The following RPTOR variants were observed in gnomAD, a reference collection of about 807,000 sequenced individuals.
RPTOR encodes regulatory associated protein of MTOR complex 1.
RPTOR carries 21 observed loss-of-function variants against 169.9 expected under a neutral mutation model. That is an observed-to-expected ratio of 0.12 (90% CI 0.09 to 0.18). RPTOR has a LOEUF of 0.18. Ranked by LOEUF, RPTOR falls within the 10% of genes least tolerant of loss-of-function variation. The probability of loss-of-function intolerance (pLI) is 1.00; values close to 1 mark genes in which losing one functional copy is unlikely to be tolerated. For synonymous variants in RPTOR, 732 were observed against 753.2 expected, an observed-to-expected ratio of 0.97 and a Z score of 0.46; for missense variants, 1,133 against 1,855.9, an observed-to-expected ratio of 0.61 and a Z score of 7.16.
intron 3 of RPTOR, among the ~76,000 whole-genome samples, chr17:80,684,908 C>T (rs916281138): frequency 5.3e-5 from 8 of 152,162 alleles, no homozygotes; most frequent in Non-Finnish European, 4.4e-5. Flanking sequence ...CACTTCATTA[C>T]GTGAGTCAAC....
At chr17:80,773,809 T>C in intron 6 of RPTOR, 1 of 985,388 alleles carries the variant, frequency 1.0e-6, no homozygotes, top group South Asian at 4.7e-5. Context: ...AAACTGTTCT[T>C]TCTGGAAGAG....
intron 7 of RPTOR, among the ~76,000 whole-genome samples, chr17:80,795,575 T>C (rs1010066998): frequency 6.6e-6 from 1 of 151,844 alleles, no homozygotes; most frequent in Non-Finnish European, 1.5e-5. Context: ...TTTTTTTTTT[T>C]AATTTAAAAG....
intron 17 of RPTOR, among the ~76,000 whole-genome samples, chr17:80,888,977 G>A (rs1158268370): frequency 5.9e-5 from 9 of 152,260 alleles, no homozygotes; most frequent in Non-Finnish European, 1.5e-5. Flanking sequence ...AAGAGGCCAG[G>A]AGGGCAGTGG....
intron 3 of RPTOR, among the ~76,000 whole-genome samples, chr17:80,677,802 C>T (rs1297801092): frequency 5.3e-5 from 8 of 152,102 alleles, no homozygotes; most frequent in Non-Finnish European, 1.2e-4. Context: ...CTCCTTTATT[C>T]TTTCACAGGA....
At position 80,726,164 on chromosome 17, in the gene RPTOR, G is replaced by A. The variant is rs1267581388; in HGVS notation, c.508-4396G>A. On this transcript the variant is annotated intron_variant, in intron 4 of 33. Transcript: ENST00000306801. This position sits in a 1 kb window ranked among gnomAD's most constrained non-coding sequence, Gnocchi z 4.5. ...CAGGCTTCCCAGAGCAGGCGGGGCT[G>A]GGAAAGCTGTTCTGTGGCGCAGCAT... Among the ~76,000 whole-genome samples, 1 of 152,184 alleles carries A rather than the reference G, an allele frequency of 6.6e-6. No homozygotes were observed. The highest frequency in any genetic ancestry group is 1.5e-5 in the Non-Finnish European group (1 of 68,032).
chr17:80,806,806 C>CT (rs1000140061), intron 7 of RPTOR, among the ~76,000 whole-genome samples: 32 of 151,928 alleles, frequency 2.1e-4, no homozygotes, highest in Non-Finnish European at 1.5e-4. Flanking sequence ...TTGATTTTTT[C>CT]TTTTTTTTAA....
At chr17:80,617,140 C>T (rs2065318024) in intron 1 of RPTOR, among the ~76,000 whole-genome samples, 3 of 152,096 alleles carry the variant, frequency 2.0e-5, no homozygotes, top group Non-Finnish European at 4.4e-5. Flanking sequence ...ACAGAAGGGC[C>T]AGGTACAAAG....
At chr17:80,645,845 C>T (rs1167990356) in intron 3 of RPTOR, among the ~76,000 whole-genome samples, 2 of 152,194 alleles carry the variant, frequency 1.3e-5, no homozygotes, top group Non-Finnish European at 2.9e-5. Flanking sequence ...ATGACAGTGG[C>T]ACAGTTGTAT....
intron 5 of RPTOR, among the ~76,000 whole-genome samples, chr17:80,751,167 T>C (rs1296365706): frequency 6.6e-6 from 1 of 152,102 alleles, no homozygotes; most frequent in African/African-American, 2.4e-5. Flanking sequence ...TGGCTGTGAG[T>C]GAATACAGCT....
rs1271399523 is a variant in RPTOR at position 80,845,621 on chromosome 17, C to T, written c.1213-852C>T. ...GAGGATGCCCTCCAGCAGCCTTTCCCCACCCTCCGTGCCCCCAGCTGGGTC... is the reference window on the plus strand; with the variant it reads ...GAGGATGCCCTCCAGCAGCCTTTCCTCACCCTCCGTGCCCCCAGCTGGGTC... On this transcript the variant is annotated intron_variant, in intron 10 of 33. Transcript: ENST00000306801. The surrounding 1 kb of genome is among the most constrained non-coding windows in gnomAD (Gnocchi z 5.4). 6.6e-6 allele frequency among the ~76,000 whole-genome samples: 1 copy of T among 152,054 alleles called. No homozygotes were observed. The highest frequency in any genetic ancestry group is 1.5e-5 in the Non-Finnish European group (1 of 68,006).
chr17:80,684,077 T>G (rs2065917558), intron 3 of RPTOR, among the ~76,000 whole-genome samples: 1 of 152,220 alleles, frequency 6.6e-6, no homozygotes, highest in African/African-American at 2.4e-5. Flanking sequence ...CCCAGTTATT[T>G]TCTGCCTGTG....
intron 11 of RPTOR, among the ~76,000 whole-genome samples, chr17:80,847,832 C>T (rs552867109): frequency 6.6e-6 from 1 of 152,350 alleles, no homozygotes; most frequent in East Asian, 1.9e-4. Flanking sequence ...CCGCTCACCA[C>T]ACTGACAGAC....
intron 6 of RPTOR, among the ~76,000 whole-genome samples, chr17:80,765,826 G>A (rs1008153675): frequency 1.3e-5 from 2 of 152,096 alleles, no homozygotes; most frequent in East Asian, 1.9e-4. Context: ...CTTACTTAAC[G>A]TGGTAAAGGC....
In RPTOR at chr17:80,962,559, A is replaced by T; in HGVS notation, c.3791A>T (p.Gln1264Leu). ...KGLTALDIHPQADLIACGSVN... is the reference protein window; with the variant it reads ...KGLTALDIHPLADLIACGSVN... ...CTGACGGCCCTGGACATCCACCCCC[A>T]GGCGGACCTGATCGCATGGTAGGCG... is the stretch of plus-strand genomic sequence containing the variant. The change falls in exon 32 of 34, where the codon CAG becomes CTG. Residue 1264 changes from glutamine to leucine, a missense_variant. Physicochemically the swap from Gln to Leu is moderately radical, Grantham distance 113. Around this residue, in one of 9 missense-constraint regions of RPTOR, gnomAD observed 410 missense variants for 623.7 expected, o/e 0.66. Coordinates refer to ENST00000306801, the MANE Select transcript of RPTOR (RefSeq NM_020761.3). The T allele has an allele frequency of 6.2e-7, 1 of 1,613,568 alleles. No individual in the cohort carries two copies. The highest frequency in any genetic ancestry group is 8.5e-7 in the Non-Finnish European group (1 of 1,179,826).
intron 3 of RPTOR, among the ~76,000 whole-genome samples, chr17:80,684,739 C>T (rs138797697): frequency 6.6e-6 from 1 of 152,296 alleles, no homozygotes; most frequent in Non-Finnish European, 1.5e-5. Context: ...GCCACTGCGC[C>T]CAGCCATGTT....
intron 9 of RPTOR, among the ~76,000 whole-genome samples, chr17:80,834,703 T>C (rs1025019293): frequency 1.3e-5 from 2 of 152,234 alleles, no homozygotes; most frequent in African/African-American, 4.8e-5. Flanking sequence ...TGCTGAGCGA[T>C]GTCTCCAGTG....
chr17:80,553,764 C>T (rs747708307), intron 1 of RPTOR, among the ~76,000 whole-genome samples: 2 of 149,884 alleles, frequency 1.3e-5, no homozygotes, highest in South Asian at 2.1e-4. Context: ...TTTTTTAAGA[C>T]GGAATCTTGC....
chr17:80,552,600 A>G (rs1247643996), intron 1 of RPTOR, among the ~76,000 whole-genome samples: 1 of 152,236 alleles, frequency 6.6e-6, no homozygotes, highest in Non-Finnish European at 1.5e-5. Flanking sequence ...ATTCAACAAA[A>G]CTATACTGAT....
At chr17:80,700,538 A>ATGGTGGTGGTGGTGG (rs1491569175) in intron 3 of RPTOR, among the ~76,000 whole-genome samples, 5 of 25,370 alleles carry the variant, frequency 2.0e-4, no homozygotes, top group South Asian at 2.9e-3. Flanking sequence ...GGTGGTGGTG[A>ATGGTGGTGGTGGTGG]TGATGATGGT....
Sources: allele counts gnomAD v4.1 joint callset (sites outside exome capture counted in the v4.1 genomes callset), GRCh38; gene constraint gnomAD v4.1.1; regional missense constraint gnomAD v4.1.1; non-coding constraint Gnocchi (gnomAD v3.1); transcripts MANE v1.5; gene names NCBI Gene and HGNC (gene_info 2026-07-23, HGNC 2026-07-21).